Variants in CAMKMT observed in about 807,000 individuals in gnomAD.
CAMKMT encodes the protein CaM KMT.
CAMKMT carries 53 observed loss-of-function variants against 48.0 expected under a neutral mutation model. The observed-to-expected ratio is 1.10, with a 90% CI of 0.89 to 1.39. CAMKMT has a LOEUF of 1.39. Ranked by LOEUF, CAMKMT falls within the 40% of genes most tolerant of loss-of-function variation. The pLI, the probability that CAMKMT is intolerant of heterozygous loss-of-function variation, is 0.00. For synonymous variants in CAMKMT, 165 were observed against 152.3 expected (o/e 1.08, Z -0.61); for missense variants, 428 against 402.7 (o/e 1.06, Z -0.54).
At chr2:44,669,516 C>G (rs1428144956) in intron 3 of CAMKMT, among the ~76,000 whole-genome samples, 2 of 152,304 alleles carry the variant, frequency 1.3e-5, no homozygotes, top group South Asian at 2.1e-4. Context: ...TCAATTTATA[C>G]TAATATAAGC....
intron 3 of CAMKMT, among the ~76,000 whole-genome samples, chr2:44,676,934 T>C (rs1035426487): frequency 3.9e-5 from 6 of 152,348 alleles, no homozygotes; most frequent in African/African-American, 1.2e-4. Context: ...AGGATTTTTT[T>C]TCTCTCTCTC....
At chr2:44,538,566 A>T (rs1339804938) in intron 3 of CAMKMT, among the ~76,000 whole-genome samples, 2 of 152,100 alleles carry the variant, frequency 1.3e-5, no homozygotes, top group Non-Finnish European at 2.9e-5. Context: ...AGTGGGAACT[A>T]AACTATGAGA....
Position 44,544,543 on chromosome 2 carries a change from A to T in CAMKMT, c.376+154238A>T, listed in dbSNP as rs142754115. Among the ~76,000 whole-genome samples the T allele has an allele frequency of 1.2e-3, 187 of 152,306 alleles. 1 individual carries two copies. Among genetic ancestry groups the T allele is most frequent in the African/African-American group, 4.2e-3 (174 of 41,564 alleles). ...TTATTAGGTTACTAGCTTTGGGGAGATGTCATTGTTTGCTGCTGTAGCTAG... is the reference window on the plus strand; with the variant it reads ...TTATTAGGTTACTAGCTTTGGGGAGTTGTCATTGTTTGCTGCTGTAGCTAG... On this transcript the variant is annotated intron_variant, in intron 3 of 10. Transcript: ENST00000378494.
At chr2:44,514,685 AGACTAGGGCCT>A (rs1032505462) in intron 3 of CAMKMT, among the ~76,000 whole-genome samples, 1 of 152,232 alleles carries the variant, frequency 6.6e-6, no homozygotes, top group African/African-American at 2.4e-5. Context: ...TCCAGCTCCT[AGACTAGGGCCT>A]GACACATGGC....
chr2:44,538,170 C>T (rs926447702), intron 3 of CAMKMT, among the ~76,000 whole-genome samples: 2 of 151,830 alleles, frequency 1.3e-5, no homozygotes, highest in African/African-American at 2.4e-5. Context: ...GTGTTCAAGA[C>T]CACCCTGGCC....
intron 1 of CAMKMT, among the ~76,000 whole-genome samples, chr2:44,363,125 T>G (rs1343567913): frequency 6.6e-6 from 1 of 152,152 alleles, no homozygotes; most frequent in African/African-American, 2.4e-5. Context: ...TTTTAGTGCT[T>G]TTAGAGTTAT....
rs3862995 is a variant in CAMKMT, at chr2:44,513,338, G to T, written c.376+123033G>T. Among the ~76,000 whole-genome samples the T allele has an allele frequency of 8.7e-3, 1,317 of 151,488 alleles. 108 individuals are homozygous for T. The East Asian group carries it at 0.18, about 20-fold the overall frequency. On this transcript the variant is annotated intron_variant, in intron 3 of 10. Transcript: ENST00000378494. ...AGTACATAGTAGTAGCTCGATAACT[G>T]TTGTTGAATTAATGAATTAACAAAT...
At chr2:44,753,380 A>G (rs1344297500) in intron 8 of CAMKMT, among the ~76,000 whole-genome samples, 1 of 150,812 alleles carries the variant, frequency 6.6e-6, no homozygotes, top group Non-Finnish European at 1.5e-5. Flanking sequence ...TAACTGGATG[A>G]CAGTGCAAAA....
chr2:44,630,605 T>G (rs1329920914), intron 3 of CAMKMT, among the ~76,000 whole-genome samples: 2 of 151,764 alleles, frequency 1.3e-5, no homozygotes, highest in African/African-American at 2.4e-5. Context: ...CAGACACTTC[T>G]CAAAAGAAGA....
At chr2:44,622,851 A>G (rs1274228988) in intron 3 of CAMKMT, among the ~76,000 whole-genome samples, 1 of 152,228 alleles carries the variant, frequency 6.6e-6, no homozygotes, top group Non-Finnish European at 1.5e-5. Flanking sequence ...GTATATATCC[A>G]GTAATGGGAT....
intron 3 of CAMKMT, chr2:44,550,932 A>T (rs561466320): frequency 1.3e-5 from 2 of 152,344 alleles, no homozygotes; most frequent in South Asian, 4.1e-4. Context: ...AGTTTTAAAC[A>T]ACTCATTCAT....
At chr2:44,464,342 A>G (rs1232243782) in intron 3 of CAMKMT, among the ~76,000 whole-genome samples, 1 of 152,234 alleles carries the variant, frequency 6.6e-6, no homozygotes, top group Admixed American at 6.5e-5. Context: ...TGAAGGACTT[A>G]TGGTGTACCA....
At chr2:44,382,976 T>C (rs574581272) in intron 2 of CAMKMT, among the ~76,000 whole-genome samples, 5 of 152,290 alleles carry the variant, frequency 3.3e-5, no homozygotes, top group African/African-American at 1.2e-4. Context: ...CTTGCAGCTC[T>C]GGGAGCTAGA....
chr2:44,607,722 T>G (rs1671363919), intron 3 of CAMKMT, among the ~76,000 whole-genome samples: 1 of 152,190 alleles, frequency 6.6e-6, no homozygotes, highest in Non-Finnish European at 1.5e-5. Context: ...GCTTTTTAAA[T>G]GAAGTCTGTA....
chr2:44,399,066 G>A (rs1407104932), intron 3 of CAMKMT, among the ~76,000 whole-genome samples: 1 of 152,150 alleles, frequency 6.6e-6, no homozygotes, highest in Admixed American at 6.5e-5. Context: ...CGCATGTTTT[G>A]TGTAATTATA....
chr2:44,673,519 AAG>A (rs1675480161), intron 3 of CAMKMT, among the ~76,000 whole-genome samples: 1 of 86,426 alleles, frequency 1.2e-5, no homozygotes, highest in Non-Finnish European at 2.4e-5. Context: ...GGAAGGAAGG[AAG>A]GAGGGAAGGA....
chr2:44,764,017 A>G (rs1680728313), intron 9 of CAMKMT, among the ~76,000 whole-genome samples: 1 of 151,782 alleles, frequency 6.6e-6, no homozygotes, highest in Admixed American at 6.6e-5. Context: ...ATGACCTACC[A>G]GCATTCCCTG....
At chr2:44,371,794 A>G (rs1679206983) in intron 1 of CAMKMT, among the ~76,000 whole-genome samples, 1 of 152,192 alleles carries the variant, frequency 6.6e-6, no homozygotes, top group Non-Finnish European at 1.5e-5. Flanking sequence ...ATACCACATC[A>G]ACCCAGAATA....
chr2:44,380,837 G>A (rs1019296209), intron 2 of CAMKMT, among the ~76,000 whole-genome samples: 7 of 152,078 alleles, frequency 4.6e-5, no homozygotes, highest in African/African-American at 1.7e-4. Context: ...CCTTAAAAAG[G>A]TCATATGGTA....
Sources: allele counts gnomAD v4.1 joint callset (sites outside exome capture counted in the v4.1 genomes callset), GRCh38; gene constraint gnomAD v4.1.1; transcripts MANE v1.5; gene names NCBI Gene and HGNC (gene_info 2026-07-23, HGNC 2026-07-21).